The following WWP1 variants were observed in gnomAD, a reference collection of about 807,000 sequenced individuals.
WWP1 encodes the protein NEDD4-like E3 ubiquitin-protein ligase WWP1.
In WWP1, 49 loss-of-function variants were observed where a neutral mutation model predicts 130.6. That is an observed-to-expected ratio of 0.38 (90% CI 0.30 to 0.48). The LOEUF (loss-of-function observed/expected upper bound fraction) is 0.48. WWP1 is among the 20% of genes least tolerant of loss of function. The probability of loss-of-function intolerance (pLI) is 0.99; values close to 1 mark genes in which losing one functional copy is unlikely to be tolerated. For synonymous variants in WWP1, 332 were observed against 367.8 expected (o/e 0.90, Z 1.11); for missense variants, 809 against 1,100.6 (o/e 0.74, Z 3.75).
chr8:86,457,402 G>C (rs1811506688), intron 21 of WWP1, among the ~76,000 whole-genome samples: 1 of 139,718 alleles, frequency 7.2e-6, no homozygotes, highest in Admixed American at 7.5e-5. Flanking sequence ...CAGTTTGGGG[G>C]AGATCTATCT....
chr8:86,437,096 A>G (rs1485881774), intron 16 of WWP1, among the ~76,000 whole-genome samples: 1 of 152,164 alleles, frequency 6.6e-6, no homozygotes, highest in Non-Finnish European at 1.5e-5. Context: ...GGGAAGAATC[A>G]TGGTCTATTT....
chr8:86,380,011 A>G (rs1824891764), intron 3 of WWP1, among the ~76,000 whole-genome samples: 1 of 152,238 alleles, frequency 6.6e-6, no homozygotes, highest in African/African-American at 2.4e-5. Context: ...TCCAAAGTAT[A>G]TGCCCAAGAG....
intron 9 of WWP1, among the ~76,000 whole-genome samples, chr8:86,421,121 CAAAT>C (rs1257927009): frequency 2.0e-5 from 3 of 152,076 alleles, no homozygotes; most frequent in Admixed American, 6.6e-5. Flanking sequence ...TTTATATAAA[CAAAT>C]AAAGTAAATC....
chr8:86,433,627 C>T (rs943544660), intron 14 of WWP1, among the ~76,000 whole-genome samples: 2 of 152,078 alleles, frequency 1.3e-5, no homozygotes, highest in East Asian at 1.9e-4. Flanking sequence ...GATAACTCCA[C>T]TCTAGCAGGT....
In WWP1 at chr8:86,467,733, G is replaced by A. The variant is rs1334648134; in HGVS notation, c.*840G>A. The stretch of plus-strand genomic sequence containing the variant: ...CAAATTTAATTCATAATAAATTGAT[G>A]CAATTTCATACTTAGGAACATACAA... On this transcript the variant is annotated 3_prime_UTR_variant, in exon 25 of 25. Coordinates refer to ENST00000517970, the MANE Select transcript of WWP1 (RefSeq NM_007013.4). 5 of 152,072 alleles carry A rather than the reference G, an allele frequency of 3.3e-5. No individual in the cohort carries two copies. Among genetic ancestry groups the A allele is most frequent in the Admixed American group, 1.3e-4 (2 of 15,272 alleles). The allele number at this position is 152,072 out of a possible 1,614,324, so 9.4% of individuals were successfully genotyped here.
chr8:86,372,185 G>A (rs1344162433), intron 2 of WWP1, among the ~76,000 whole-genome samples: 4 of 151,472 alleles, frequency 2.6e-5, no homozygotes, highest in African/African-American at 4.8e-5. Flanking sequence ...CACCATGCCC[G>A]GCTAATTTTT....
chr8:86,408,578 AT>A, intron 8 of WWP1, among the ~76,000 whole-genome samples: 1 of 152,278 alleles, frequency 6.6e-6, no homozygotes, highest in Middle Eastern at 3.4e-3. Context: ...ATTGAGAGAT[AT>A]TTTATGTCTG....
chr8:86,390,501 C>G (rs539684147), intron 5 of WWP1, among the ~76,000 whole-genome samples: 3 of 152,106 alleles, frequency 2.0e-5, no homozygotes, highest in Non-Finnish European at 2.9e-5. Flanking sequence ...GAGACCAGCC[C>G]GTCCAACACG....
intron 1 of WWP1, among the ~76,000 whole-genome samples, chr8:86,364,858 A>AG (rs1491496744): frequency 2.0e-5 from 3 of 151,890 alleles, no homozygotes; most frequent in African/African-American, 7.2e-5. Context: ...AGAGAGAGAG[A>AG]AAGAAGAAAG....
chr8:86,452,487 A>G, intron 20 of WWP1, 72 bp from the exon 21 acceptor site: 4 of 1,320,702 alleles, frequency 3.0e-6, no homozygotes, highest in East Asian at 2.4e-5. Context: ...GAACTATAGA[A>G]GTTCTTGGTG....
chr8:86,419,149 G>T (rs1196527409), intron 9 of WWP1, among the ~76,000 whole-genome samples: 1 of 152,200 alleles, frequency 6.6e-6, no homozygotes, highest in South Asian at 2.1e-4. Context: ...GCTGGGCGCG[G>T]TGGCTCCCGT....
chr8:86,405,048 C>G (rs1406065030), intron 8 of WWP1: 1 of 152,232 alleles, frequency 6.6e-6, no homozygotes, highest in Non-Finnish European at 1.5e-5. Context: ...CCGGAACCTG[C>G]TCTGTTGGTA....
At chr8:86,366,818 C>G (rs1030071391) in intron 1 of WWP1, among the ~76,000 whole-genome samples, 2 of 152,110 alleles carry the variant, frequency 1.3e-5, no homozygotes, top group Non-Finnish European at 1.5e-5. Flanking sequence ...GGTCACCCTC[C>G]TGTTTACTCT....
intron 8 of WWP1, among the ~76,000 whole-genome samples, chr8:86,410,704 CTTTTT>C (rs11422497): frequency 5.1e-5 from 7 of 137,812 alleles, no homozygotes; most frequent in Admixed American, 5.0e-4. Flanking sequence ...CTTCTACTTA[CTTTTT>C]TTTTTTTTTT....
intron 1 of WWP1, among the ~76,000 whole-genome samples, chr8:86,344,357 G>A (rs10089317): frequency 0.15 from 22,104 of 152,176 alleles, 1,774 homozygotes; most frequent in Non-Finnish European, 0.19. Context: ...ACAGGATGTC[G>A]CAGATAAAGT....
chr8:86,412,652 C>G (rs576446071), intron 9 of WWP1, among the ~76,000 whole-genome samples: 2 of 150,794 alleles, frequency 1.3e-5, no homozygotes, highest in East Asian at 3.9e-4. Flanking sequence ...TGTCTCTACA[C>G]TATTGTCTTC....
chr8:86,421,853 A>G (rs775673934), intron 9 of WWP1, among the ~76,000 whole-genome samples: 2 of 152,090 alleles, frequency 1.3e-5, no homozygotes, highest in Non-Finnish European at 2.9e-5. Flanking sequence ...GAAAATATAA[A>G]TTTACCATAT....
At chr8:86,371,667 C>T (rs1032823056) in intron 2 of WWP1, among the ~76,000 whole-genome samples, 1 of 152,062 alleles carries the variant, frequency 6.6e-6, no homozygotes, top group African/African-American at 2.4e-5. Context: ...TGCCTATTTG[C>T]CTAATGTGTT....
Position 86,467,007 on chromosome 8 carries a change from C to CA in WWP1, c.*117dup. The CA allele has an allele frequency of 1.4e-6, 1 of 716,472 alleles. No homozygotes were observed. Among genetic ancestry groups the CA allele is most frequent in the South Asian group, 1.8e-5 (1 of 54,136 alleles). 44.4% of individuals were successfully genotyped at this position (716,472 alleles called of 1,614,324 possible). ...TGTACAGTGAATTTTCCGAACCTCT[C>CA]AAAGTATGTTTTCCGTTCTTCCACA... On this transcript the variant is annotated 3_prime_UTR_variant, in exon 25 of 25. Transcript: ENST00000517970.
Sources: gnomAD v4.1 joint callset for allele counts (sites outside exome capture counted in the v4.1 genomes callset) on GRCh38, gnomAD v4.1.1 for gene constraint, MANE v1.5 for transcripts, NCBI Gene and HGNC (gene_info 2026-07-23, HGNC 2026-07-21) for gene names.